Variants in TENM3 observed in about 807,000 individuals in gnomAD.
The protein encoded by TENM3 is teneurin transmembrane protein 3, also known as teneurin-3.
In TENM3, 63 loss-of-function variants were observed where a neutral mutation model predicts 255.1. The observed-to-expected ratio is 0.25, with a 90% CI of 0.20 to 0.30. The LOEUF is 0.30. Ranked by LOEUF, TENM3 falls within the 10% of genes least tolerant of loss-of-function variation. TENM3 has a pLI of 1.00. For missense variants in TENM3, 2,929 were observed against 3,461.1 expected (o/e 0.85, Z 3.86); for synonymous variants, 1,306 against 1,322.3 (o/e 0.99, Z 0.27).
chr4:182,375,743 CATGTT>C (rs1767140082), intron 3 of TENM3, among the ~76,000 whole-genome samples: 1 of 152,038 alleles, frequency 6.6e-6, no homozygotes, highest in Non-Finnish European at 1.5e-5. Context: ...GAGATTTCAC[CATGTT>C]GGCCAGGCTG....
intron 6 of TENM3, among the ~76,000 whole-genome samples, chr4:182,656,285 C>T (rs550719742): frequency 6.6e-6 from 1 of 152,270 alleles, no homozygotes; most frequent in Non-Finnish European, 1.5e-5. Flanking sequence ...GGGCTCTGAC[C>T]TTGTCCAAAG....
At chr4:182,718,195 C>T (rs773628519) in intron 13 of TENM3, among the ~76,000 whole-genome samples, 1 of 152,050 alleles carries the variant, frequency 6.6e-6, no homozygotes, top group Non-Finnish European at 1.5e-5. Flanking sequence ...AAATTATTAG[C>T]TTATATAACT....
chr4:182,193,125 C>T (rs960955296), intron 1 of TENM3, among the ~76,000 whole-genome samples: 1 of 152,134 alleles, frequency 6.6e-6, no homozygotes, highest in African/African-American at 2.4e-5. Context: ...ATGAAGTATA[C>T]ACCATCACAG....
chr4:182,783,392 C>A (rs570840319), intron 24 of TENM3, among the ~76,000 whole-genome samples: 2,435 of 152,298 alleles, frequency 0.016, 59 homozygotes, highest in African/African-American at 0.056. Flanking sequence ...CCCCCACTCT[C>A]TTCTGGCTTG....
intron 5 of TENM3, among the ~76,000 whole-genome samples, chr4:182,633,342 A>G (rs1029958903): frequency 1.3e-5 from 2 of 152,256 alleles, no homozygotes; most frequent in African/African-American, 4.8e-5. Context: ...TCAGAGGTCC[A>G]AATTAGCTCT....
the TENM3 span, among the ~76,000 whole-genome samples, chr4:181,581,121 A>G: frequency 2.6e-5 from 4 of 152,270 alleles, no homozygotes; most frequent in East Asian, 7.7e-4. Context: ...ATAACTGGAA[A>G]AACAAGGAGC....
chr4:181,968,649 A>G, the TENM3 span, among the ~76,000 whole-genome samples: 1 of 152,206 alleles, frequency 6.6e-6, no homozygotes, highest in Non-Finnish European at 1.5e-5. Context: ...CATGTTACCT[A>G]TAGTTCATCA....
the TENM3 span, among the ~76,000 whole-genome samples, chr4:182,056,196 C>T: frequency 6.6e-6 from 1 of 152,038 alleles, no homozygotes. Context: ...CATGCTCAAC[C>T]GTCTTAATGT....
chr4:182,207,843 C>G (rs1159794632), intron 1 of TENM3, among the ~76,000 whole-genome samples: 5 of 152,146 alleles, frequency 3.3e-5, no homozygotes, highest in African/African-American at 1.2e-4. Context: ...TGTGTTCTAC[C>G]AAAGCTCTGC....
At chr4:181,944,750 G>A in the TENM3 span, among the ~76,000 whole-genome samples, 2 of 151,944 alleles carry the variant, frequency 1.3e-5, no homozygotes, top group Non-Finnish European at 2.9e-5. Context: ...TTGCCTTGCC[G>A]CCAACGGGCC....
At chr4:181,712,860 T>C in the TENM3 span, among the ~76,000 whole-genome samples, 1 of 152,132 alleles carries the variant, frequency 6.6e-6, no homozygotes, top group Non-Finnish European at 1.5e-5. Flanking sequence ...CAGCTAAAAA[T>C]TGATTTGTTT....
At chr4:181,990,331 G>A in the TENM3 span, among the ~76,000 whole-genome samples, 1 of 152,122 alleles carries the variant, frequency 6.6e-6, no homozygotes, top group Non-Finnish European at 1.5e-5. Context: ...AGTGACCATG[G>A]ATAAACTACG....
chr4:182,357,677 CTCTGAT>C (rs1324548119), intron 3 of TENM3, among the ~76,000 whole-genome samples: 2 of 151,016 alleles, frequency 1.3e-5, no homozygotes, highest in Non-Finnish European at 3.0e-5. Context: ...TGCCTGTTCA[CTCTGAT>C]GGTAGTTTCT....
chr4:181,726,770 T>C, the TENM3 span, among the ~76,000 whole-genome samples: 1 of 152,224 alleles, frequency 6.6e-6, no homozygotes, highest in East Asian at 1.9e-4. Flanking sequence ...GAGGGCTCAG[T>C]CCCAAAGATC....
At chr4:181,888,202 G>A in the TENM3 span, among the ~76,000 whole-genome samples, 11 of 151,574 alleles carry the variant, frequency 7.3e-5, no homozygotes, top group East Asian at 3.9e-4. Context: ...GCTAATTTTC[G>A]TATTTTTAGT....
chr4:182,234,157 A>C (rs1756746709), intron 1 of TENM3, among the ~76,000 whole-genome samples: 1 of 152,124 alleles, frequency 6.6e-6, no homozygotes, highest in African/African-American at 2.4e-5. Context: ...CCACGTTAAC[A>C]ACCCTTGGAT....
chr4:182,679,167 C>A (rs902240115), intron 7 of TENM3, among the ~76,000 whole-genome samples: 1 of 151,810 alleles, frequency 6.6e-6, no homozygotes, highest in Non-Finnish European at 1.5e-5. Flanking sequence ...ATGTAACAAA[C>A]CAGCACATTC....
intron 22 of TENM3, among the ~76,000 whole-genome samples, chr4:182,761,605 C>T (rs1263871628): frequency 2.6e-5 from 4 of 152,060 alleles, no homozygotes; most frequent in Non-Finnish European, 5.9e-5. Flanking sequence ...TATGTATACA[C>T]ACACACACAC....
chr4:181,660,139 C>A, the TENM3 span, among the ~76,000 whole-genome samples: 1 of 151,998 alleles, frequency 6.6e-6, no homozygotes, highest in Non-Finnish European at 1.5e-5. Context: ...AGCAATGAAA[C>A]GTTCCTAATT....
Sources: gnomAD v4.1 joint callset for allele counts (sites outside exome capture counted in the v4.1 genomes callset) on GRCh38, gnomAD v4.1.1 for gene constraint, MANE v1.5 for transcripts, NCBI Gene and HGNC (gene_info 2026-07-23, HGNC 2026-07-21) for gene names.